The following L3HYPDH variants were observed in gnomAD, a reference collection of about 807,000 sequenced individuals.
L3HYPDH encodes trans-3-hydroxy-L-proline dehydratase.
In L3HYPDH, 32 loss-of-function variants were observed where a neutral mutation model predicts 26.5. The ratio of observed to expected loss-of-function variants is 1.21; its 90% CI spans 0.91 to 1.62. The LOEUF (loss-of-function observed/expected upper bound fraction) is 1.62, where lower values mean the gene tolerates loss of function less well. Ranked by LOEUF, L3HYPDH falls within the 40% of genes most tolerant of loss-of-function variation. The pLI, the probability that L3HYPDH is intolerant of heterozygous loss-of-function variation, is 0.00. For missense variants in L3HYPDH, 554 were observed against 476.4 expected, an observed-to-expected ratio of 1.16 and a Z score of -1.52; for synonymous variants, 215 against 196.6, an observed-to-expected ratio of 1.09 and a Z score of -0.78.
the L3HYPDH span, among the ~76,000 whole-genome samples, chr14:59,496,748 A>G: frequency 1.3e-5 from 2 of 152,310 alleles, no homozygotes; most frequent in South Asian, 4.1e-4. Flanking sequence ...TCTATTCACT[A>G]TCCCTGAATC....
In L3HYPDH at chr14:59,484,169, T is replaced by A; in HGVS notation, c.148A>T (p.Lys50Ter). The change falls in exon 1 of 5, where the codon AAG becomes TAG. Residue 50 changes from lysine (K) to a stop codon, truncating the protein, a stop_gained. Transcript: ENST00000247194. LOFTEE classifies it high-confidence loss of function. ...PEVSGPTLLA[K>*]RRYMRQHLDH... ...AGGTGCTGGCGCATGTAGCGCCGCT[T>A]GGCCAGCAGGGTGGGCCCAGACACC... The A allele has an allele frequency of 6.2e-7, 1 of 1,600,274 alleles. No homozygotes were observed. Among genetic ancestry groups the A allele is most frequent in the Non-Finnish European group, 8.5e-7 (1 of 1,179,524 alleles).
the L3HYPDH span, chr14:59,494,944 A>C: frequency 9.9e-7 from 1 of 1,007,086 alleles, no homozygotes; most frequent in Non-Finnish European, 1.5e-6. Flanking sequence ...GTATCTTGAC[A>C]CATGTACATG....
the L3HYPDH span, among the ~76,000 whole-genome samples, chr14:59,491,239 G>A: frequency 6.6e-6 from 1 of 152,222 alleles, no homozygotes; most frequent in East Asian, 1.9e-4. Context: ...GCCCAGATGT[G>A]TGGAGGCACA....
At position 59,484,203 on chromosome 14, in the gene L3HYPDH, C is replaced by T; in HGVS notation, c.114G>A (p.Gly38=). 1.3e-6 allele frequency: 2 copies of T among 1,598,846 alleles called. No individual in the cohort carries two copies. Among genetic ancestry groups the T allele is most frequent in the East Asian group, 2.2e-5 (1 of 44,836 alleles). Residue 38 remains glycine (G), a synonymous_variant, in exon 1 of 5, where the codon GGG becomes GGA. Transcript: ENST00000247194. ...GGGTGGGCCCAGACACCTCCGGACA[C>T]CCCGCCAGCACGATACGCAAGGGCT... The part of the protein sequence containing the change: ...GGEPLRIVLA[G]CPEVSGPTLL...
At chr14:59,468,543 G>A (rs73301800), downstream of L3HYPDH, among the ~76,000 whole-genome samples, 7,526 of 152,118 alleles carry the variant, frequency 0.049, 234 homozygotes, top group Middle Eastern at 0.11. Context: ...CTTTCCCCAC[G>A]TATTGGGCCA....
At chr14:59,502,992 C>T in the L3HYPDH span, among the ~76,000 whole-genome samples, 1 of 151,810 alleles carries the variant, frequency 6.6e-6, no homozygotes, top group Non-Finnish European at 1.5e-5. Flanking sequence ...TCATAACCCA[C>T]CCACCTCGGC....
chr14:59,502,893 A>AG, the L3HYPDH span, among the ~76,000 whole-genome samples: 1 of 151,434 alleles, frequency 6.6e-6, no homozygotes, highest in African/African-American at 2.4e-5. Flanking sequence ...CTGGGATTAC[A>AG]GGTGCATGCC....
At chr14:59,480,346 A>G (rs557514694) in intron 1 of L3HYPDH, among the ~76,000 whole-genome samples, 15 of 152,302 alleles carry the variant, frequency 9.8e-5, no homozygotes, top group African/African-American at 3.6e-4. Context: ...GAAGAAACAG[A>G]GGATGGGGAG....
At chr14:59,495,025 G>C in the L3HYPDH span, 3 of 1,612,482 alleles carry the variant, frequency 1.9e-6, no homozygotes, top group Non-Finnish European at 2.5e-6. Flanking sequence ...TAGTTCCAGC[G>C]CACTTTTCCA....
At chr14:59,487,634 A>T, upstream of L3HYPDH, 1 of 1,518,800 alleles carries the variant, frequency 6.6e-7, no homozygotes, top group Non-Finnish European at 9.1e-7. Flanking sequence ...ATGTTGTAAA[A>T]TAATATCTGT....
chr14:59,483,728 C>T lies in L3HYPDH; in HGVS notation c.508+81G>A, dbSNP rs765053533. The T allele has an allele frequency of 6.2e-5, 95 of 1,531,572 alleles. No homozygotes were observed. The Middle Eastern group carries it at 8.4e-4, about 14-fold the overall frequency. The allele number at this position is 1,531,572 out of a possible 1,614,324, so 94.9% of individuals were successfully genotyped here. On this transcript the variant is annotated intron_variant, in intron 1 of 4. Coordinates refer to ENST00000247194, the MANE Select transcript of L3HYPDH (RefSeq NM_144581.2). Reference sequence around the variant, plus strand: ...GCGGAGTAGGTTAGTTGCCAGAGTTCCAGCCCAGAAAAACCGTTAATGTAG... The same window carrying T: ...GCGGAGTAGGTTAGTTGCCAGAGTTTCAGCCCAGAAAAACCGTTAATGTAG...
At chr14:59,487,202 CA>C (rs1402554871), upstream of L3HYPDH, 62 of 145,042 alleles carry the variant, frequency 4.3e-4, no homozygotes, top group South Asian at 8.6e-4. Flanking sequence ...GACTCTGTCT[CA>C]AAAAAAAAAT....
intron 4 of L3HYPDH, 89 bp downstream of exon 4, chr14:59,475,780 A>C: frequency 7.9e-7 from 1 of 1,268,122 alleles, no homozygotes; most frequent in Non-Finnish European, 1.1e-6. Context: ...CTGAGAGCTG[A>C]GTGAAGAAAT....
chr14:59,483,316 C>G (rs2139836047), intron 1 of L3HYPDH, among the ~76,000 whole-genome samples: 1 of 152,304 alleles, frequency 6.6e-6, no homozygotes, highest in South Asian at 2.1e-4. Flanking sequence ...GATTTATAAA[C>G]TGCTTTGTTC....
the L3HYPDH span, among the ~76,000 whole-genome samples, chr14:59,497,393 G>A: frequency 6.6e-6 from 1 of 152,084 alleles, no homozygotes; most frequent in Admixed American, 6.6e-5. Flanking sequence ...GAGGTCTTCT[G>A]GTGGAAGGCA....
chr14:59,485,116 A>T (rs143546562), upstream of L3HYPDH: 11 of 1,598,314 alleles, frequency 6.9e-6, no homozygotes, highest in Non-Finnish European at 9.3e-6. Flanking sequence ...GGTTTTGCTT[A>T]GTAAGTGATA....
the L3HYPDH span, among the ~76,000 whole-genome samples, chr14:59,499,285 A>C: frequency 3.3e-5 from 5 of 151,764 alleles, no homozygotes; most frequent in African/African-American, 1.2e-4. Context: ...CTCTCTTTGC[A>C]TTTGAAGTTC....
rs575761057 is a variant in L3HYPDH, at chr14:59,466,527, C to T, written n.31-5354G>A. Among the ~76,000 whole-genome samples the T allele has an allele frequency of 6.2e-4, 95 of 152,336 alleles. 3 individuals are homozygous for T. The South Asian group carries it at 0.019, about 31-fold the overall frequency. On this transcript the variant is annotated intron_variant and non_coding_transcript_variant, in intron 1 of 2. Transcript: ENST00000466522. The stretch of plus-strand genomic sequence containing the variant: ...CAGTGCATAGGATACCCCTGATCTA[C>T]TGAAACTCCTGTGGTGGGGCCCAGG...
intron 1 of L3HYPDH, among the ~76,000 whole-genome samples, chr14:59,479,663 G>A (rs1889879001): frequency 3.3e-5 from 5 of 152,136 alleles, no homozygotes; most frequent in South Asian, 4.1e-4. Context: ...CCGAGAGAGG[G>A]AAACCCAAGG....
Sources: allele counts gnomAD v4.1 joint callset (sites outside exome capture counted in the v4.1 genomes callset), GRCh38; gene constraint gnomAD v4.1.1; transcripts MANE v1.5; gene names NCBI Gene and HGNC (gene_info 2026-07-23, HGNC 2026-07-21).